The following NEBL variants were observed in gnomAD, a reference collection of about 807,000 sequenced individuals.
NEBL encodes the protein nebulette, also known as LIM and SH3 protein 2.
NEBL carries 122 observed loss-of-function variants against 140.2 expected under a neutral mutation model. The observed-to-expected ratio is 0.87, with a 90% CI of 0.75 to 1.01. The LOEUF (loss-of-function observed/expected upper bound fraction) is 1.01. NEBL is among the 50% of genes least tolerant of loss of function. The probability of loss-of-function intolerance (pLI) is 0.00; values close to 1 mark genes in which losing one functional copy is unlikely to be tolerated. For missense variants in NEBL, 1,365 were observed against 1,231.3 expected, an observed-to-expected ratio of 1.11 and a Z score of -1.62; for synonymous variants, 436 against 398.9, an observed-to-expected ratio of 1.09 and a Z score of -1.11.
intron 2 of NEBL, among the ~76,000 whole-genome samples, chr10:21,138,948 G>A (rs929665846): frequency 2.0e-5 from 3 of 152,060 alleles, no homozygotes; most frequent in African/African-American, 7.2e-5. Context: ...ATAGCACATC[G>A]TAATAAATAA....
chr10:21,262,689 T>C (rs1015232526), intron 1 of NEBL, among the ~76,000 whole-genome samples: 3 of 152,172 alleles, frequency 2.0e-5, no homozygotes, highest in African/African-American at 4.8e-5. Flanking sequence ...CAGGCTTGTG[T>C]CTGAGCACAT....
chr10:20,843,665 T>G (rs1050917921), intron 12 of NEBL, among the ~76,000 whole-genome samples: 1 of 152,132 alleles, frequency 6.6e-6, no homozygotes, highest in Non-Finnish European at 1.5e-5. Flanking sequence ...AAAAGCCTTA[T>G]GGCCAACTAT....
chr10:20,852,265 T>C (rs142676001), intron 10 of NEBL, among the ~76,000 whole-genome samples: 2 of 152,282 alleles, frequency 1.3e-5, no homozygotes, highest in African/African-American at 2.4e-5. Context: ...GGTTTGACCA[T>C]AGTTTAATTA....
chr10:21,235,112 T>C (rs368477042), intron 3 of NEBL, among the ~76,000 whole-genome samples: 105 of 151,878 alleles, frequency 6.9e-4, no homozygotes, highest in African/African-American at 2.5e-3. Flanking sequence ...CTGGGCAACA[T>C]AGTGAGATGC....
At chr10:20,891,595 C>T (rs571223937) in intron 2 of NEBL, among the ~76,000 whole-genome samples, 6 of 152,242 alleles carry the variant, frequency 3.9e-5, no homozygotes, top group South Asian at 4.1e-4. Flanking sequence ...ACATGCAGAA[C>T]GTTCAGGACA....
chr10:20,814,744 TA>T (rs1165486415), intron 22 of NEBL, among the ~76,000 whole-genome samples: 74 of 152,202 alleles, frequency 4.9e-4, no homozygotes, highest in African/African-American at 1.7e-3. Context: ...ATAAGAGTGT[TA>T]AAAAATGCAT....
chr10:20,910,132 C>T (rs1848269598), intron 4 of NEBL, among the ~76,000 whole-genome samples: 1 of 152,096 alleles, frequency 6.6e-6, no homozygotes, highest in Non-Finnish European at 1.5e-5. Context: ...CTTCTCTGTG[C>T]TTTTCAGATG....
intron 2 of NEBL, among the ~76,000 whole-genome samples, chr10:21,071,755 T>C (rs1835826133): frequency 6.6e-6 from 1 of 152,210 alleles, no homozygotes; most frequent in Non-Finnish European, 1.5e-5. Context: ...AAATTTATTC[T>C]TTTGCAGTTC....
At chr10:21,268,744 C>T (rs895270847) in intron 1 of NEBL, among the ~76,000 whole-genome samples, 1 of 151,692 alleles carries the variant, frequency 6.6e-6, no homozygotes, top group East Asian at 2.0e-4. Context: ...AGGCTGGTCT[C>T]GAACTTCTGA....
At chr10:21,137,238 A>G (rs1431366455) in intron 2 of NEBL, among the ~76,000 whole-genome samples, 2 of 152,216 alleles carry the variant, frequency 1.3e-5, no homozygotes, top group Non-Finnish European at 2.9e-5. Context: ...TAAAATCCAA[A>G]GAAATATATT....
chr10:20,824,097 G>A (rs1319044592), intron 18 of NEBL, among the ~76,000 whole-genome samples: 3 of 152,144 alleles, frequency 2.0e-5, no homozygotes, highest in Admixed American at 2.0e-4. Context: ...AAAATGATTA[G>A]TGATACTATC....
chr10:20,843,089 C>T (rs1011198549), intron 12 of NEBL, among the ~76,000 whole-genome samples: 1 of 151,982 alleles, frequency 6.6e-6, no homozygotes, highest in Non-Finnish European at 1.5e-5. Context: ...AAGGTGGGAC[C>T]TTTGGGAGGT....
chr10:20,970,450 G>A (rs1368659485), intron 3 of NEBL, among the ~76,000 whole-genome samples: 2 of 151,982 alleles, frequency 1.3e-5, no homozygotes, highest in South Asian at 2.1e-4. Context: ...ACCAGCCTGG[G>A]CAACACAGTG....
chr10:21,146,605 C>G lies in NEBL; in HGVS notation c.164+25778G>C, dbSNP rs929364899. The G allele has an allele frequency of 1.1e-5, 9 of 847,594 alleles. No homozygotes were observed. The African/African-American group carries it at 1.5e-4, about 14-fold the overall frequency. 52.5% of individuals were successfully genotyped at this position (847,594 alleles called of 1,614,324 possible). ...CTTAATTACAGAAGCTCTTAGCAAC[C>G]GTTGCTTAGTAACAAACACATTTGA... On this transcript the variant is annotated intron_variant, in intron 2 of 6. Transcript: ENST00000417816.
chr10:21,125,957 C>T (rs1193475082), intron 2 of NEBL: 4 of 1,614,104 alleles, frequency 2.5e-6, no homozygotes, highest in Non-Finnish European at 3.4e-6. Context: ...GCCCAGTTGC[C>T]TGGATCTGGT....
chr10:21,169,061 AAAAAAAAT>A (rs1589306795), intron 2 of NEBL, among the ~76,000 whole-genome samples: 13 of 41,738 alleles, frequency 3.1e-4, no homozygotes, highest in South Asian at 2.0e-3. Flanking sequence ...AAAAAAAAAA[AAAAAAAAT>A]ATATATATAT....
rs1263661362 is a variant in NEBL at position 21,171,625 on chromosome 10, G to A, written c.164+758C>T. 2.6e-5 allele frequency: 4 copies of A among 152,398 alleles called. No homozygotes were observed. The East Asian group carries it at 7.7e-4, about 29-fold the overall frequency. 9.4% of individuals were successfully genotyped at this position (152,398 alleles called of 1,614,324 possible). On this transcript the variant is annotated intron_variant, in intron 2 of 6. Coordinates refer to the NEBL transcript ENST00000417816. ...AATAATAGTGTCCCCTAACTCGTAG[G>A]GTCGTTGTAAAGATTAAATGATCAG...
Position 21,273,123 on chromosome 10 carries a change from G to T in NEBL, n.182+19707C>A, listed in dbSNP as rs531951385. 2.6e-5 allele frequency among the ~76,000 whole-genome samples: 4 copies of T among 152,266 alleles called. No individual in the cohort carries two copies. The East Asian group carries it at 7.7e-4, about 29-fold the overall frequency. ...ACATGATGAAATTGGACAGCCACAGGGTTGGGAGCTTGTGGGCCCTCGGAG... is the reference window on the plus strand; with the variant it reads ...ACATGATGAAATTGGACAGCCACAGTGTTGGGAGCTTGTGGGCCCTCGGAG... On this transcript the variant is annotated intron_variant and non_coding_transcript_variant, in intron 1 of 8. Coordinates refer to the NEBL transcript ENST00000675702.
At chr10:20,860,125 T>C (rs1178961540) in intron 7 of NEBL, among the ~76,000 whole-genome samples, 1 of 152,106 alleles carries the variant, frequency 6.6e-6, no homozygotes, top group Non-Finnish European at 1.5e-5. Context: ...ATTTCTATAA[T>C]CTATGATCAG....
Sources: gnomAD v4.1 joint callset for allele counts (sites outside exome capture counted in the v4.1 genomes callset) on GRCh38, gnomAD v4.1.1 for gene constraint, MANE v1.5 for transcripts, NCBI Gene and HGNC (gene_info 2026-07-23, HGNC 2026-07-21) for gene names.